Variants in PLB1 observed in about 807,000 individuals in gnomAD.
PLB1 encodes phospholipase B1, membrane-associated.
Under a neutral mutation model 227.4 loss-of-function variants are expected in PLB1, and 242 were observed. The observed-to-expected ratio is 1.06, with a 90% CI of 0.96 to 1.18. The LOEUF (loss-of-function observed/expected upper bound fraction) is 1.18, where lower values mean the gene tolerates loss of function less well. Among genes scored for constraint, PLB1 ranks in the 50% most tolerant of loss-of-function variants. The pLI is 0.00. For synonymous variants in PLB1, 757 were observed against 682.2 expected, an observed-to-expected ratio of 1.11 and a Z score of -1.71; for missense variants, 1,858 against 1,816.3, an observed-to-expected ratio of 1.02 and a Z score of -0.42.
At chr2:28,610,864 C>G (rs1185515668) in intron 43 of PLB1, among the ~76,000 whole-genome samples, 1 of 149,734 alleles carries the variant, frequency 6.7e-6, no homozygotes, top group Admixed American at 6.7e-5. Flanking sequence ...TAGACCGGTT[C>G]CTTGTTCTGC....
chr2:28,598,987 C>T lies in PLB1; in HGVS notation c.2474+227C>T, dbSNP rs565108901. Among the ~76,000 whole-genome samples, 3 of 152,352 alleles carry T rather than the reference C, an allele frequency of 2.0e-5. No individual in the cohort carries two copies. The South Asian group carries it at 6.2e-4, about 32-fold the overall frequency. On this transcript the variant is annotated intron_variant, in intron 35 of 57. Transcript: ENST00000327757. ...CTATAGGTTCAACTCCTGACCTTGCCTTCATGTGCAGCATGTTCTCATAAT... is the reference window on the plus strand; with the variant it reads ...CTATAGGTTCAACTCCTGACCTTGCTTTCATGTGCAGCATGTTCTCATAAT...
intron 1 of PLB1, among the ~76,000 whole-genome samples, chr2:28,513,787 C>G (rs1260495041): frequency 1.3e-5 from 2 of 152,214 alleles, no homozygotes; most frequent in African/African-American, 4.8e-5. Context: ...GGGGCTCCAC[C>G]TGTTGTCTTC....
At chr2:28,625,547 T>G (rs1687633533) in intron 50 of PLB1, among the ~76,000 whole-genome samples, 1 of 152,150 alleles carries the variant, frequency 6.6e-6, no homozygotes, top group Non-Finnish European at 1.5e-5. Context: ...TGCCTAGGAA[T>G]TCAGCTCCCG....
At chr2:28,639,520 G>C (rs751027304) in intron 56 of PLB1, among the ~76,000 whole-genome samples, 1 of 152,156 alleles carries the variant, frequency 6.6e-6, no homozygotes, top group Non-Finnish European at 1.5e-5. Flanking sequence ...TAACAGCCAC[G>C]GTCACTGGAG....
At chr2:28,624,228 C>T (rs1038181846) in intron 49 of PLB1, among the ~76,000 whole-genome samples, 1 of 152,200 alleles carries the variant, frequency 6.6e-6, no homozygotes, top group Non-Finnish European at 1.5e-5. Flanking sequence ...CCTGTCCCTA[C>T]CTCACACCCC....
chr2:28,573,533 T>C (rs1678379984), intron 21 of PLB1, among the ~76,000 whole-genome samples: 1 of 152,212 alleles, frequency 6.6e-6, no homozygotes, highest in Non-Finnish European at 1.5e-5. Flanking sequence ...GCCAGGCATA[T>C]GCTCTGAGCA....
Position 28,620,864 on chromosome 2 carries a change from C to T in PLB1, c.3428-15C>T, listed in dbSNP as rs750650188. On this transcript the variant is annotated splice_polypyrimidine_tract_variant and intron_variant, in intron 48 of 57. Transcript: ENST00000327757. ...CTCTCACCTGTGCTCTTCTCCTCCT[C>T]CTCCTCCTCTAAAGACATTCTGAAG... 14 of 1,607,836 alleles carry T rather than the reference C, an allele frequency of 8.7e-6. No individual in the cohort carries two copies. In the Admixed American group the frequency reaches 1.5e-4, roughly 17 times the overall value.
Position 28,590,096 on chromosome 2 carries a change from C to T in PLB1, c.2088+20C>T. On this transcript the variant is annotated intron_variant, in intron 29 of 57. Coordinates refer to ENST00000327757, the MANE Select transcript of PLB1 (RefSeq NM_153021.5). The stretch of plus-strand genomic sequence containing the variant: ...AACCAGGTAGAGTGGAAAGCACGTC[C>T]TTCCAGGCTCCGGCTGCACTGGGCT... The T allele has an allele frequency of 6.3e-7, 1 of 1,590,924 alleles. No homozygotes were observed. Among genetic ancestry groups the T allele is most frequent in the African/African-American group, 1.3e-5 (1 of 74,502 alleles).
intron 20 of PLB1, among the ~76,000 whole-genome samples, chr2:28,568,791 G>T (rs7583096): frequency 0.58 from 88,255 of 152,092 alleles, 29,188 homozygotes; most frequent in Non-Finnish European, 0.76. Flanking sequence ...ATTAGAATTC[G>T]TCAGGTAAGG....
At position 28,516,877 on chromosome 2, in the gene PLB1, C is replaced by T. The variant is rs752775845; in HGVS notation, c.117+8C>T. ...GGGCAGCTATGGCCAGAGGTAAGGG[C>T]TTTGGCTGGTGGGAGGTGCGTGTGT... On this transcript the variant is annotated splice_region_variant and intron_variant, in intron 2 of 57. Coordinates refer to ENST00000327757, the MANE Select transcript of PLB1 (RefSeq NM_153021.5). The T allele has an allele frequency of 6.2e-7, 1 of 1,613,052 alleles. No homozygotes were observed. The highest frequency in any genetic ancestry group is 8.5e-7 in the Non-Finnish European group (1 of 1,179,212).
intron 51 of PLB1, among the ~76,000 whole-genome samples, 199 bp from the exon 52 acceptor site, chr2:28,628,364 G>A (rs1459577101): frequency 1.3e-5 from 2 of 152,114 alleles, no homozygotes; most frequent in East Asian, 1.9e-4. Flanking sequence ...TGTTCATGGT[G>A]TCTAGTAGGG....
intron 9 of PLB1, among the ~76,000 whole-genome samples, chr2:28,534,835 CAGAG>C (rs1169513649): frequency 1.3e-5 from 2 of 151,090 alleles, no homozygotes; most frequent in African/African-American, 4.9e-5. Flanking sequence ...GCCTGGGTGA[CAGAG>C]AGAGACTCTG....
chr2:28,537,019 C>T (rs1199395325), intron 9 of PLB1, among the ~76,000 whole-genome samples: 1 of 152,186 alleles, frequency 6.6e-6, no homozygotes, highest in Non-Finnish European at 1.5e-5. Context: ...TTCCCCTGGG[C>T]TCTTCAGGAA....
chr2:28,641,248 A>G (rs1248308742), intron 57 of PLB1, among the ~76,000 whole-genome samples: 1 of 152,180 alleles, frequency 6.6e-6, no homozygotes, highest in Admixed American at 6.5e-5. Flanking sequence ...AGGGAGGCAG[A>G]TGAGCACTGG....
At chr2:28,565,448 G>GGT in intron 19 of PLB1, 95 bp downstream of exon 19, 2 of 1,146,002 alleles carry the variant, frequency 1.7e-6, no homozygotes, top group Non-Finnish European at 1.2e-6. Flanking sequence ...TAAGCAGAAG[G>GGT]GTGGGCCATT....
intron 43 of PLB1, among the ~76,000 whole-genome samples, chr2:28,609,471 GTA>G (rs1685136367): frequency 6.6e-6 from 1 of 151,980 alleles, no homozygotes; most frequent in South Asian, 2.1e-4. Flanking sequence ...ATAAGTTCAT[GTA>G]TCATACCCTA....
chr2:28,541,271 T>C (rs577671318), intron 12 of PLB1, among the ~76,000 whole-genome samples: 3 of 152,334 alleles, frequency 2.0e-5, no homozygotes, highest in East Asian at 3.9e-4. Context: ...ACGGTTTCTG[T>C]TAGCATGTGT....
At chr2:28,642,456 C>T (rs1199798642) in intron 57 of PLB1, among the ~76,000 whole-genome samples, 1 of 152,316 alleles carries the variant, frequency 6.6e-6, no homozygotes, top group Middle Eastern at 3.4e-3. Flanking sequence ...ACCAGCTGTC[C>T]TTCCATGCTG....
rs749164043 is a variant in PLB1 at position 28,553,003 on chromosome 2, G to A, written c.1147+12G>A. The A allele has an allele frequency of 6.2e-7, 1 of 1,610,892 alleles. No individual in the cohort carries two copies. Among genetic ancestry groups the A allele is most frequent in the Non-Finnish European group, 8.5e-7 (1 of 1,177,150 alleles). On this transcript the variant is annotated intron_variant, in intron 17 of 57. Transcript: ENST00000327757. ...GGTTCCCACCTCAGGTACACAGCTT[G>A]CACCCAGTGATTTTAAAATTCATTC...
Sources: allele counts gnomAD v4.1 joint callset (sites outside exome capture counted in the v4.1 genomes callset), GRCh38; gene constraint gnomAD v4.1.1; transcripts MANE v1.5; gene names NCBI Gene and HGNC (gene_info 2026-07-23, HGNC 2026-07-21).